The following CXCL13 variants were observed in gnomAD, a reference collection of about 807,000 sequenced individuals.
CXCL13 encodes the protein C-X-C motif chemokine ligand 13, also known as C-X-C motif chemokine 13.
CXCL13 carries 7 observed loss-of-function variants against 12.2 expected under a neutral mutation model. That is an observed-to-expected ratio of 0.57 (90% CI 0.33 to 1.07). The LOEUF (loss-of-function observed/expected upper bound fraction) is 1.07. Among genes scored for constraint, CXCL13 ranks in the 50% least tolerant of loss-of-function variants. The pLI is 0.04. For synonymous variants in CXCL13, 47 were observed against 42.4 expected (o/e 1.11, Z -0.42); for missense variants, 113 against 127.4 (o/e 0.89, Z 0.55).
intron 1 of CXCL13, among the ~76,000 whole-genome samples, chr4:77,556,849 C>T (rs938794093): frequency 6.6e-6 from 1 of 151,760 alleles, no homozygotes; most frequent in Non-Finnish European, 1.5e-5. Flanking sequence ...GGAGCTTGTC[C>T]GTACAAAAAA....
chr4:77,531,821 G>A (rs1443187463), intron 1 of CXCL13, among the ~76,000 whole-genome samples: 1 of 152,030 alleles, frequency 6.6e-6, no homozygotes, highest in Non-Finnish European at 1.5e-5. Context: ...TGTCTCTTTT[G>A]ATCTTTGTTG....
At chr4:77,536,046 C>G (rs1343626327) in intron 1 of CXCL13, among the ~76,000 whole-genome samples, 1 of 152,274 alleles carries the variant, frequency 6.6e-6, no homozygotes, top group Middle Eastern at 3.4e-3. Flanking sequence ...TCACTCCCCT[C>G]CCTCTCTCAA....
At chr4:77,520,627 G>T (rs1724568047) in intron 1 of CXCL13, among the ~76,000 whole-genome samples, 1 of 152,176 alleles carries the variant, frequency 6.6e-6, no homozygotes, top group African/African-American at 2.4e-5. Flanking sequence ...TGAGACAATG[G>T]GGTTTTCTAA....
At chr4:77,542,908 A>AT (rs766698019) in intron 1 of CXCL13, among the ~76,000 whole-genome samples, 1 of 151,940 alleles carries the variant, frequency 6.6e-6, no homozygotes, top group African/African-American at 2.4e-5. Context: ...TCTCTCCTTA[A>AT]TTTTTTGGGA....
chr4:77,600,961 G>A (rs1323084742), upstream of CXCL13, among the ~76,000 whole-genome samples: 7 of 152,204 alleles, frequency 4.6e-5, no homozygotes, highest in South Asian at 4.1e-4. Flanking sequence ...TTTGAATGTT[G>A]AAATAATGCA....
intron 1 of CXCL13, among the ~76,000 whole-genome samples, chr4:77,591,083 T>A (rs1726597536): frequency 6.6e-6 from 1 of 152,220 alleles, no homozygotes; most frequent in East Asian, 1.9e-4. Flanking sequence ...TTTGCCACGT[T>A]GGCTAGGCTG....
At chr4:77,521,882 A>G (rs1040553618) in intron 1 of CXCL13, among the ~76,000 whole-genome samples, 1 of 152,124 alleles carries the variant, frequency 6.6e-6, no homozygotes, top group Non-Finnish European at 1.5e-5. Context: ...ACTGCTTTAA[A>G]TGTGTCCCAG....
intron 1 of CXCL13, among the ~76,000 whole-genome samples, chr4:77,591,375 C>T (rs941303568): frequency 6.6e-6 from 1 of 151,410 alleles, no homozygotes; most frequent in African/African-American, 2.4e-5. Context: ...AAGGTGAAAC[C>T]CCGTTTCTAC....
chr4:77,548,468 G>A (rs527309237), intron 1 of CXCL13, among the ~76,000 whole-genome samples: 1 of 152,302 alleles, frequency 6.6e-6, no homozygotes, highest in Non-Finnish European at 1.5e-5. Context: ...GGAGGGGAAG[G>A]CAGTGAATTT....
Position 77,562,029 on chromosome 4 carries a change from G to T in CXCL13, c.-42-43795G>T, listed in dbSNP as rs1477523948. On this transcript the variant is annotated intron_variant, in intron 1 of 4. Transcript: ENST00000286758. ...GCACCTGGGCCAGCAGCTGCGGAGGGTGCGCCGGGTCCCCCAGCAGTGCTG... is the reference window on the plus strand; with the variant it reads ...GCACCTGGGCCAGCAGCTGCGGAGGTTGCGCCGGGTCCCCCAGCAGTGCTG... Among the ~76,000 whole-genome samples, 4 of 152,280 alleles carry T rather than the reference G, an allele frequency of 2.6e-5. No homozygotes were observed. The East Asian group carries it at 7.7e-4, about 29-fold the overall frequency.
At chr4:77,539,061 T>C (rs906463581) in intron 1 of CXCL13, among the ~76,000 whole-genome samples, 1 of 44,714 alleles carries the variant, frequency 2.2e-5, no homozygotes, top group East Asian at 5.1e-4. Flanking sequence ...TAATTTGACC[T>C]TTTTTTTTTT....
intron 1 of CXCL13, among the ~76,000 whole-genome samples, chr4:77,536,788 G>A (rs1165766110): frequency 1.3e-5 from 2 of 152,124 alleles, no homozygotes; most frequent in Non-Finnish European, 2.9e-5. Context: ...AACTATCTCT[G>A]ATGCTTAGAA....
chr4:77,556,846 G>T (rs1725670745), intron 1 of CXCL13, among the ~76,000 whole-genome samples: 2 of 151,922 alleles, frequency 1.3e-5, no homozygotes, highest in Non-Finnish European at 2.9e-5. Context: ...AGAGGAGCTT[G>T]TCCGTACAAA....
intron 1 of CXCL13, among the ~76,000 whole-genome samples, chr4:77,593,929 G>T (rs1726681598): frequency 6.6e-6 from 1 of 152,222 alleles, no homozygotes; most frequent in African/African-American, 2.4e-5. Flanking sequence ...AGAACACAGA[G>T]ATTGGGCTGA....
chr4:77,518,308 G>A (rs891734340), intron 1 of CXCL13, among the ~76,000 whole-genome samples: 8 of 152,066 alleles, frequency 5.3e-5, no homozygotes, highest in Non-Finnish European at 7.3e-5. Flanking sequence ...TCTTTGTGGC[G>A]TTCTCTGTAT....
chr4:77,550,271 G>A (rs1479279124), intron 1 of CXCL13, among the ~76,000 whole-genome samples: 1 of 152,174 alleles, frequency 6.6e-6, no homozygotes. Context: ...GCTAGGAAAG[G>A]GAATTCCCCA....
intron 1 of CXCL13, among the ~76,000 whole-genome samples, chr4:77,517,119 G>C (rs1349333918): frequency 2.0e-5 from 3 of 152,156 alleles, no homozygotes; most frequent in Non-Finnish European, 2.9e-5. Flanking sequence ...GAGTGGTTTT[G>C]AGTGAGTTTC....
At chr4:77,525,370 G>A (rs999000338) in intron 1 of CXCL13, among the ~76,000 whole-genome samples, 5 of 152,096 alleles carry the variant, frequency 3.3e-5, no homozygotes, top group Non-Finnish European at 5.9e-5. Context: ...TTTCTCATTT[G>A]GGGGGTTTTC....
At chr4:77,582,864 C>T (rs1726372456) in intron 1 of CXCL13, among the ~76,000 whole-genome samples, 1 of 152,112 alleles carries the variant, frequency 6.6e-6, no homozygotes. Context: ...CATATGTAGA[C>T]AATGAAATCA....
Sources: allele counts gnomAD v4.1 joint callset (sites outside exome capture counted in the v4.1 genomes callset), GRCh38; gene constraint gnomAD v4.1.1; transcripts MANE v1.5; gene names NCBI Gene and HGNC (gene_info 2026-07-23, HGNC 2026-07-21).